WWP2: variants seen among roughly 807,000 people sequenced by gnomAD.
WWP2 encodes WW domain containing E3 ubiquitin protein ligase 2.
WWP2 carries 57 observed loss-of-function variants against 121.0 expected under a neutral mutation model. That is an observed-to-expected ratio of 0.47 (90% CI 0.38 to 0.59). The LOEUF (loss-of-function observed/expected upper bound fraction) is 0.59. Ranked by LOEUF, WWP2 falls within the 20% of genes least tolerant of loss-of-function variation. The pLI, the probability that WWP2 is intolerant of heterozygous loss-of-function variation, is 0.00. For missense variants in WWP2, 962 were observed against 1,158.9 expected (o/e 0.83, Z 2.47); for synonymous variants, 449 against 441.3 (o/e 1.02, Z -0.22).
At chr16:69,793,642 G>A (rs144099282) in intron 2 of WWP2, among the ~76,000 whole-genome samples, 4 of 151,906 alleles carry the variant, frequency 2.6e-5, no homozygotes, top group East Asian at 3.9e-4. Context: ...GTCAAGTCAC[G>A]GGCCCAGGCA....
At position 69,785,787 on chromosome 16, in the gene WWP2, C is replaced by T. The variant is rs568732607; in HGVS notation, c.-15-1209C>T. ...GATTACAGGCACCCACTACCACGCC[C>T]GACAAATTTGTTGTTTTTTAGTATA... On this transcript the variant is annotated intron_variant, in intron 1 of 23. Coordinates refer to ENST00000359154, the MANE Select transcript of WWP2 (RefSeq NM_001270454.2). 2.4e-4 allele frequency among the ~76,000 whole-genome samples: 36 copies of T among 151,568 alleles called. 1 individual carries two copies. In the South Asian group the frequency reaches 5.9e-3, roughly 25 times the overall value.
chr16:69,806,532 C>T (rs2056277927), intron 4 of WWP2, among the ~76,000 whole-genome samples: 1 of 152,198 alleles, frequency 6.6e-6, no homozygotes, highest in Admixed American at 6.5e-5. Context: ...CCAACTGGGT[C>T]TGGCATCTTG....
At chr16:69,891,324 C>T (rs188707244) in intron 8 of WWP2, among the ~76,000 whole-genome samples, 8 of 152,326 alleles carry the variant, frequency 5.3e-5, no homozygotes, top group South Asian at 2.1e-4. Flanking sequence ...AGAAGGAAAT[C>T]TGTCATTTCT....
intron 4 of WWP2, among the ~76,000 whole-genome samples, chr16:69,801,410 A>G (rs2056163739): frequency 6.6e-6 from 1 of 151,456 alleles, no homozygotes; most frequent in Non-Finnish European, 1.5e-5. Context: ...TGTATTTCAT[A>G]TTTTTAGTAG....
intron 8 of WWP2, among the ~76,000 whole-genome samples, chr16:69,904,242 G>C (rs1003151466): frequency 1.3e-5 from 2 of 152,198 alleles, no homozygotes; most frequent in Non-Finnish European, 2.9e-5. Context: ...GCTGTCTTCT[G>C]TGCTAGAAGG....
intron 4 of WWP2, among the ~76,000 whole-genome samples, chr16:69,814,432 C>G (rs749836760): frequency 4.1e-5 from 5 of 121,050 alleles, no homozygotes; most frequent in Non-Finnish European, 7.0e-5. Context: ...TCATGAGAAC[C>G]CTGGCACTCA....
At chr16:69,879,460 AT>A (rs2057787566) in intron 7 of WWP2, among the ~76,000 whole-genome samples, 1 of 151,832 alleles carries the variant, frequency 6.6e-6, no homozygotes, top group Non-Finnish European at 1.5e-5. Context: ...TAGATACCTC[AT>A]ATAAGTGGAT....
intron 8 of WWP2, among the ~76,000 whole-genome samples, chr16:69,907,753 C>T (rs1461882223): frequency 6.6e-6 from 1 of 152,166 alleles, no homozygotes; most frequent in African/African-American, 2.4e-5. Context: ...ATAAGCCATC[C>T]TCAGCACCTT....
intron 8 of WWP2, among the ~76,000 whole-genome samples, chr16:69,906,229 T>C (rs530796279): frequency 1.1e-4 from 16 of 152,188 alleles, no homozygotes; most frequent in South Asian, 6.2e-4. Flanking sequence ...CCTGCCACCA[T>C]GCCCAGCTAT....
intron 4 of WWP2, chr16:69,827,775 G>T (rs1376538639): frequency 2.4e-6 from 1 of 419,162 alleles, no homozygotes; most frequent in Non-Finnish European, 4.8e-6. Flanking sequence ...TAATGGTGTG[G>T]CAGGGACTCT....
intron 1 of WWP2, among the ~76,000 whole-genome samples, chr16:69,777,171 T>C (rs1311760887): frequency 1.3e-5 from 2 of 151,816 alleles, no homozygotes; most frequent in East Asian, 3.9e-4. Context: ...CACATATGGA[T>C]ATACACATAT....
chr16:69,908,740 A>G, intron 8 of WWP2, 21 bp from the exon 9 acceptor site: 2 of 1,613,834 alleles, frequency 1.2e-6, no homozygotes, highest in Non-Finnish European at 1.7e-6. Context: ...GTCTCATGCT[A>G]CCCTTGACTT....
In WWP2 at chr16:69,935,940, C is replaced by A; in HGVS notation, c.1930C>A (p.Leu644Met). Reference protein sequence around the residue: ...MLNKRPTLKDLESIDPEFYNS... With the variant: ...MLNKRPTLKDMESIDPEFYNS... The stretch of plus-strand genomic sequence containing the variant: ...CAATAAGAGACCAACCCTGAAAGAC[C>A]TGGAGTCCATTGACCCTGAGTTCTA... The change falls in exon 18 of 24, where the codon CTG (leucine) becomes ATG (methionine). Residue 644 changes from leucine to methionine, a missense_variant. Around this residue, in one of 3 missense-constraint regions of WWP2, gnomAD observed 606 missense variants for 772.6 expected, o/e 0.78. Transcript: ENST00000359154. The surrounding 1 kb of genome is among the most constrained non-coding windows in gnomAD (Gnocchi z 5.2). 6.2e-7 allele frequency: 1 copy of A among 1,614,062 alleles called. No individual in the cohort carries two copies. Among genetic ancestry groups the A allele is most frequent in the African/African-American group, 1.3e-5 (1 of 75,022 alleles).
intron 9 of WWP2, chr16:69,910,445 G>T (rs1041626117): frequency 1.2e-6 from 1 of 862,316 alleles, no homozygotes; most frequent in Admixed American, 6.2e-5. Context: ...GTCTCGCTCT[G>T]TTGCCCAGGC....
In WWP2 at chr16:69,933,982, C is replaced by T. The variant is rs1379775156; in HGVS notation, c.1695C>T (p.Phe565=). 1 of 1,613,474 alleles carries T rather than the reference C, an allele frequency of 6.2e-7. No homozygotes were observed. Among genetic ancestry groups the T allele is most frequent in the Non-Finnish European group, 8.5e-7 (1 of 1,179,604 alleles). The change falls in exon 17 of 24, where the codon TTC becomes TTT. Residue 565 remains phenylalanine (F), a synonymous_variant. Transcript: ENST00000359154. ...DYGGIAREWF[F]LLSHEVLNPM... The stretch of plus-strand genomic sequence containing the variant: ...TCTTCCCTCACAGAGAGTGGTTTTT[C>T]CTCCTGTCTCATGAGGTGCTCAACC...
At chr16:69,911,331 T>G (rs546918663) in intron 9 of WWP2, among the ~76,000 whole-genome samples, 53 of 152,266 alleles carry the variant, frequency 3.5e-4, no homozygotes, top group African/African-American at 1.3e-3. Context: ...AGACCACAGG[T>G]AAGCAAAGAG....
rs774748100 is a variant in WWP2 at position 69,908,796 on chromosome 16, A to G, written c.950A>G (p.Tyr317Cys). 5.6e-6 allele frequency: 9 copies of G among 1,614,058 alleles called. No homozygotes were observed. The highest frequency in any genetic ancestry group is 2.2e-5 in the East Asian group (1 of 44,892). Residue 317 changes from tyrosine to cysteine, a missense_variant, in exon 9 of 24, where the codon TAT becomes TGT. Tyr to Cys is a radical substitution (Grantham distance 194). This residue lies in a region of WWP2 where 606 missense variants were observed against 772.6 expected (regional missense o/e 0.78). Coordinates refer to ENST00000359154, the MANE Select transcript of WWP2 (RefSeq NM_001270454.2). The stretch of plus-strand genomic sequence containing the variant: ...CGAGAGCTGCCCAACGGACGTGTCT[A>G]TTATGTTGACCACAATACCAAGACC... ...EQRELPNGRV[Y>C]YVDHNTKTTT... is the part of the protein sequence containing the mutation.
intron 6 of WWP2, among the ~76,000 whole-genome samples, chr16:69,844,998 A>T (rs2057043558): frequency 6.6e-6 from 1 of 152,146 alleles, no homozygotes; most frequent in Non-Finnish European, 1.5e-5. Flanking sequence ...CATGCTTATG[A>T]CTGTAGGCGG....
intron 10 of WWP2, among the ~76,000 whole-genome samples, chr16:69,923,381 C>T (rs775819093): frequency 6.0e-5 from 9 of 150,894 alleles, no homozygotes; most frequent in East Asian, 2.0e-4. Flanking sequence ...TTTTAAAAAC[C>T]CTTTAACGAA....
Sources: allele counts gnomAD v4.1 joint callset (sites outside exome capture counted in the v4.1 genomes callset), GRCh38; gene constraint gnomAD v4.1.1; regional missense constraint gnomAD v4.1.1; non-coding constraint Gnocchi (gnomAD v3.1); transcripts MANE v1.5; gene names NCBI Gene and HGNC (gene_info 2026-07-23, HGNC 2026-07-21).